Variants in SEC22A observed in about 807,000 individuals in gnomAD.
SEC22A encodes the protein SEC22 homolog A, vesicle trafficking protein, also known as vesicle-trafficking protein SEC22a.
A neutral mutation model predicts 35.3 loss-of-function variants in SEC22A; 22 were observed. The ratio of observed to expected loss-of-function variants is 0.62; its 90% CI spans 0.45 to 0.89. The LOEUF is 0.89. Ranked by LOEUF, SEC22A falls within the 40% of genes least tolerant of loss-of-function variation. The pLI, the probability that SEC22A is intolerant of heterozygous loss-of-function variation, is 0.00. For synonymous variants in SEC22A, 119 were observed against 129.5 expected (o/e 0.92, Z 0.55); for missense variants, 354 against 362.5 (o/e 0.98, Z 0.19).
intron 5 of SEC22A, among the ~76,000 whole-genome samples, chr3:123,251,230 C>T (rs992132584): frequency 6.6e-6 from 1 of 152,078 alleles, no homozygotes; most frequent in African/African-American, 2.4e-5. Context: ...TTCGTCACAA[C>T]TATGGTGGTG....
intron 2 of SEC22A, among the ~76,000 whole-genome samples, chr3:123,220,682 A>G (rs1937104540): frequency 1.3e-5 from 2 of 152,024 alleles, no homozygotes; most frequent in Non-Finnish European, 2.9e-5. Context: ...TACAACTTGC[A>G]CTTTGAAAAA....
chr3:123,238,630 G>A (rs9845167), intron 4 of SEC22A, among the ~76,000 whole-genome samples: 29,935 of 152,070 alleles, frequency 0.2, 3,052 homozygotes, highest in Middle Eastern at 0.28. Flanking sequence ...GTTTATTTTA[G>A]AATCTGTTTA....
intron 4 of SEC22A, among the ~76,000 whole-genome samples, chr3:123,245,318 G>A (rs553288846): frequency 2.0e-5 from 3 of 152,280 alleles, no homozygotes; most frequent in South Asian, 4.1e-4. Flanking sequence ...ATGCAGTAAG[G>A]TTTTTTCTAA....
chr3:123,244,630 C>CT, intron 4 of SEC22A, among the ~76,000 whole-genome samples: 1 of 152,194 alleles, frequency 6.6e-6, no homozygotes, highest in Admixed American at 6.5e-5. Flanking sequence ...GGAATAAATA[C>CT]TTTTTTGTGA....
At chr3:123,247,385 G>A (rs1937575955) in intron 5 of SEC22A, among the ~76,000 whole-genome samples, 1 of 152,044 alleles carries the variant, frequency 6.6e-6, no homozygotes, top group African/African-American at 2.4e-5. Flanking sequence ...TGGAACCTGG[G>A]GCTTAGACTG....
At chr3:123,227,789 A>G (rs1216128514) in intron 4 of SEC22A, among the ~76,000 whole-genome samples, 1 of 152,048 alleles carries the variant, frequency 6.6e-6, no homozygotes, top group Admixed American at 6.5e-5. Flanking sequence ...GTCTCTACTA[A>G]AAATACAAAA....
chr3:123,238,114 A>G (rs977714186), intron 4 of SEC22A, among the ~76,000 whole-genome samples: 1 of 152,090 alleles, frequency 6.6e-6, no homozygotes, highest in Non-Finnish European at 1.5e-5. Flanking sequence ...TGATCATGCC[A>G]CTGTACTCCA....
chr3:123,262,577 T>A (rs530528345), intron 6 of SEC22A, among the ~76,000 whole-genome samples: 1 of 152,344 alleles, frequency 6.6e-6, no homozygotes, highest in East Asian at 1.9e-4. Context: ...CACTATTCAA[T>A]AAATTACATG....
chr3:123,246,060 C>G (rs1462140741), intron 5 of SEC22A, 46 bp downstream of exon 5: 1 of 894,404 alleles, frequency 1.1e-6, no homozygotes, highest in Admixed American at 1.8e-5. Context: ...CCTCTTCATT[C>G]TACTGGTTAC....
At chr3:123,236,017 T>C (rs2108064781) in intron 4 of SEC22A, among the ~76,000 whole-genome samples, 1 of 152,226 alleles carries the variant, frequency 6.6e-6, no homozygotes. Flanking sequence ...AGACAGGAAG[T>C]AGATTAATGA....
intron 4 of SEC22A, among the ~76,000 whole-genome samples, chr3:123,236,857 A>G (rs986202876): frequency 6.6e-6 from 1 of 151,974 alleles, no homozygotes; most frequent in African/African-American, 2.4e-5. Context: ...TGATAGAAAC[A>G]ATGAAAGCCA....
At chr3:123,264,087 T>A (rs1484771245) in intron 6 of SEC22A, among the ~76,000 whole-genome samples, 1 of 152,154 alleles carries the variant, frequency 6.6e-6, no homozygotes. Flanking sequence ...TTTATTTTTG[T>A]AGAGACGGGG....
chr3:123,222,500 T>C (rs1054985704), intron 2 of SEC22A, among the ~76,000 whole-genome samples: 2 of 151,986 alleles, frequency 1.3e-5, no homozygotes, highest in Non-Finnish European at 2.9e-5. Flanking sequence ...CCGGCCTCTT[T>C]AGCTTCTTTT....
intron 6 of SEC22A, among the ~76,000 whole-genome samples, chr3:123,260,088 C>T (rs985166584): frequency 9.6e-5 from 13 of 135,718 alleles, no homozygotes; most frequent in Admixed American, 2.6e-4. Context: ...GCCAAGATCG[C>T]GCCACTGCAC....
At position 123,209,342 on chromosome 3, in the gene SEC22A, G is replaced by A; in HGVS notation, c.125G>A (p.Arg42Lys). Residue 42 changes from arginine (R) to lysine (K), a missense_variant, in exon 2 of 7, where the codon AGG (arginine) becomes AAG (lysine). By Grantham distance (26) the Arg-to-Lys change is conservative (BLOSUM62 2). Coordinates refer to ENST00000492595, the MANE Select transcript of SEC22A (RefSeq NM_012430.5). ...ECRKYFKMLS[R>K]KLAQLPDRCT... ...AGAAAGTATTTTAAAATGCTTTCGA[G>A]GAAACTTGCTCAACTTCCTGATAGA... The A allele has an allele frequency of 6.2e-7, 1 of 1,614,006 alleles. No homozygotes were observed. The highest frequency in any genetic ancestry group is 8.5e-7 in the Non-Finnish European group (1 of 1,179,944).
intron 2 of SEC22A, among the ~76,000 whole-genome samples, chr3:123,219,465 C>A (rs1031827156): frequency 4.6e-5 from 7 of 152,134 alleles, no homozygotes; most frequent in Admixed American, 6.5e-5. Context: ...GAATGTGGGC[C>A]TTGGAATCAA....
intron 4 of SEC22A, among the ~76,000 whole-genome samples, chr3:123,243,297 T>G (rs1937540741): frequency 6.6e-6 from 1 of 152,180 alleles, no homozygotes; most frequent in Non-Finnish European, 1.5e-5. Flanking sequence ...TTATAGTGCC[T>G]ACTGCATTGG....
At chr3:123,215,777 G>A (rs1451208687) in intron 2 of SEC22A, among the ~76,000 whole-genome samples, 1 of 152,174 alleles carries the variant, frequency 6.6e-6, no homozygotes, top group Non-Finnish European at 1.5e-5. Context: ...TTGGCAGCAT[G>A]TGTTCCTAAT....
Position 123,259,547 on chromosome 3 carries a change from C to T in SEC22A, c.681C>T (p.Tyr227=), listed in dbSNP as rs1937829409. ...LLQSDGDDFN[Y]IIAFFLGTAA... ...AGAGTGATGGTGATGATTTTAATTA[C>T]ATCATTGCATTTTTCCTTGGAACAG... The change falls in exon 6 of 7, where the codon TAC becomes TAT. Residue 227 remains tyrosine (Y), a synonymous_variant. Coordinates refer to ENST00000492595, the MANE Select transcript of SEC22A (RefSeq NM_012430.5). The T allele has an allele frequency of 1.9e-6, 3 of 1,612,514 alleles. No homozygotes were observed. The highest frequency in any genetic ancestry group is 3.3e-5 in the Admixed American group (2 of 59,942).
Sources: allele counts gnomAD v4.1 joint callset (sites outside exome capture counted in the v4.1 genomes callset), GRCh38; gene constraint gnomAD v4.1.1; transcripts MANE v1.5; gene names NCBI Gene and HGNC (gene_info 2026-07-23, HGNC 2026-07-21).